The following ARHGEF12 variants were observed in gnomAD, a reference collection of about 807,000 sequenced individuals.
ARHGEF12 encodes Rho guanine nucleotide exchange factor 12.
Under a neutral mutation model 211.2 loss-of-function variants are expected in ARHGEF12, and 66 were observed. The ratio of observed to expected loss-of-function variants is 0.31; its 90% CI spans 0.26 to 0.38. ARHGEF12 has a LOEUF of 0.38. ARHGEF12 is among the 10% of genes least tolerant of loss of function. The pLI is 1.00. For missense variants in ARHGEF12, 1,429 were observed against 1,869.5 expected, an observed-to-expected ratio of 0.76 and a Z score of 4.34; for synonymous variants, 592 against 638.4, an observed-to-expected ratio of 0.93 and a Z score of 1.09.
At position 120,441,799 on chromosome 11, in the gene ARHGEF12, A is replaced by G. The variant is rs2135784908; in HGVS notation, c.1185A>G (p.Gln395=). ...LAVFLHHVVS[Q]FDPATLLCYL... is the part of the protein sequence containing the mutation. ...TTTTCTTACACCATGTAGTTTCACA[A>G]TTTGACCCTGCGACTTTGGTAATAT... is the stretch of plus-strand genomic sequence containing the variant. The change falls in exon 14 of 41, where the codon CAA becomes CAG. Residue 395 remains glutamine (Q), a synonymous_variant. Transcript: ENST00000397843. 3 of 1,613,754 alleles carry G rather than the reference A, an allele frequency of 1.9e-6. No individual in the cohort carries two copies. Among genetic ancestry groups the G allele is most frequent in the Non-Finnish European group, 2.5e-6 (3 of 1,179,714 alleles).
chr11:120,446,799 TG>T, intron 17 of ARHGEF12, 148 bp from the exon 18 acceptor site: 1 of 951,800 alleles, frequency 1.1e-6, no homozygotes, highest in Non-Finnish European at 1.5e-6. Context: ...TTTTTTCCTC[TG>T]GTATCCTAGA....
At chr11:120,477,164 A>G (rs1415405369) in intron 34 of ARHGEF12, 55 bp from the exon 35 acceptor site, 5 of 1,434,056 alleles carry the variant, frequency 3.5e-6, no homozygotes, top group Non-Finnish European at 4.8e-6. Context: ...AGTATATTTA[A>G]AGGATATTTC....
intron 1 of ARHGEF12, among the ~76,000 whole-genome samples, chr11:120,355,498 T>C (rs1943107825): frequency 6.6e-6 from 1 of 152,208 alleles, no homozygotes; most frequent in African/African-American, 2.4e-5. Flanking sequence ...TTCAAAGACA[T>C]TGATTGACTA....
rs920868164 is a variant in ARHGEF12, at chr11:120,337,546, A to G, written c.32+271A>G. 4.1e-6 allele frequency: 4 copies of G among 985,266 alleles called. No homozygotes were observed. The Admixed American group carries it at 2.5e-4, about 61-fold the overall frequency. The allele number at this position is 985,266 out of a possible 1,614,324, so 61.0% of individuals were successfully genotyped here. ...TTGTGGTTTTCCGCCTGTAGTGTGC[A>G]TTAGGATTGTGTACTCGTCTGGAAA... On this transcript the variant is annotated intron_variant, in intron 1 of 40. Transcript: ENST00000397843.
At chr11:120,477,414 T>G (rs748774905) in intron 35 of ARHGEF12, 33 bp from the exon 36 acceptor site, 1 of 1,511,798 alleles carries the variant, frequency 6.6e-7, no homozygotes, top group Non-Finnish European at 9.0e-7. Flanking sequence ...CTCAGGAAGG[T>G]AAAAGTTTTT....
Position 120,485,810 on chromosome 11 carries a change from T to C in ARHGEF12, c.*733T>C. 1 of 233,466 alleles carries C rather than the reference T, an allele frequency of 4.3e-6. No individual in the cohort carries two copies. The highest frequency in any genetic ancestry group is 8.5e-6 in the Non-Finnish European group (1 of 117,904). 14.5% of individuals were successfully genotyped at this position (233,466 alleles called of 1,614,324 possible). On this transcript the variant is annotated 3_prime_UTR_variant, in exon 41 of 41. Coordinates refer to ENST00000397843, the MANE Select transcript of ARHGEF12 (RefSeq NM_015313.3). ...CTCTGTAGCTGGGATCAACCACAATTAATAGGAATCCTCAACATACTAAAT... is the reference window on the plus strand; with the variant it reads ...CTCTGTAGCTGGGATCAACCACAATCAATAGGAATCCTCAACATACTAAAT...
At chr11:120,356,420 G>C (rs552053227) in intron 1 of ARHGEF12, among the ~76,000 whole-genome samples, 1 of 152,192 alleles carries the variant, frequency 6.6e-6, no homozygotes, top group East Asian at 1.9e-4. Context: ...GTTTCACCAT[G>C]TTTGCCCAGC....
At chr11:120,346,498 A>T (rs1360729678) in intron 1 of ARHGEF12, among the ~76,000 whole-genome samples, 4 of 152,230 alleles carry the variant, frequency 2.6e-5, no homozygotes. Context: ...AGCAAGTCAT[A>T]TGGTCAGAGC....
At chr11:120,339,067 G>T (rs1454621963) in intron 1 of ARHGEF12, among the ~76,000 whole-genome samples, 1 of 113,066 alleles carries the variant, frequency 8.8e-6, no homozygotes, top group Admixed American at 1.2e-4. Context: ...AATGAATATT[G>T]TAAGATTAAT....
chr11:120,421,901 T>C, intron 6 of ARHGEF12, 49 bp downstream of exon 6: 1 of 1,417,900 alleles, frequency 7.1e-7, no homozygotes, highest in African/African-American at 1.4e-5. Context: ...AAAAACAACA[T>C]ATATTGGTCA....
At chr11:120,423,154 T>G (rs952448748) in intron 6 of ARHGEF12, among the ~76,000 whole-genome samples, 1 of 152,120 alleles carries the variant, frequency 6.6e-6, no homozygotes, top group Non-Finnish European at 1.5e-5. Flanking sequence ...TTAATGAGGA[T>G]ATGGCCAACC....
chr11:120,433,763 G>A (rs1196726374), intron 11 of ARHGEF12, among the ~76,000 whole-genome samples: 1 of 152,068 alleles, frequency 6.6e-6, no homozygotes, highest in Non-Finnish European at 1.5e-5. Flanking sequence ...AAACCAGCCT[G>A]GCCAACATAG....
chr11:120,474,634 T>A lies in ARHGEF12; in HGVS notation c.3108T>A (p.Ile1036=). The change falls in exon 32 of 41, where the codon ATT becomes ATA. Residue 1036 remains isoleucine, a splice_region_variant and synonymous_variant. Coordinates refer to ENST00000397843, the MANE Select transcript of ARHGEF12 (RefSeq NM_015313.3). ...LVWKVNRDKT[I]DLYTLLLEDI... is the part of the protein sequence containing the mutation. ...GGAAGGTGAATAGAGATAAAACTAT[T>A]GGTAGGTCTGATATTGTCTTTTAGT... 6.2e-7 allele frequency: 1 copy of A among 1,608,662 alleles called. No individual in the cohort carries two copies. The highest frequency in any genetic ancestry group is 8.5e-7 in the Non-Finnish European group (1 of 1,178,100).
intron 6 of ARHGEF12, among the ~76,000 whole-genome samples, chr11:120,422,550 C>G (rs1344493448): frequency 6.6e-6 from 1 of 152,120 alleles, no homozygotes; most frequent in South Asian, 2.1e-4. Flanking sequence ...ATATATGAAA[C>G]ATAAAAGGCT....
At chr11:120,435,682 T>C (rs1255086277) in intron 11 of ARHGEF12, among the ~76,000 whole-genome samples, 1 of 151,450 alleles carries the variant, frequency 6.6e-6, no homozygotes, top group Non-Finnish European at 1.5e-5. Flanking sequence ...GCCCGGCTAA[T>C]TTTTTTTGTA....
At chr11:120,344,594 C>T (rs774375801) in intron 1 of ARHGEF12, among the ~76,000 whole-genome samples, 1 of 152,168 alleles carries the variant, frequency 6.6e-6, no homozygotes, top group African/African-American at 2.4e-5. Context: ...GGCATATGCA[C>T]TGTCAGCCTA....
At chr11:120,387,201 T>TACA (rs1944060981) in intron 1 of ARHGEF12, among the ~76,000 whole-genome samples, 1 of 151,970 alleles carries the variant, frequency 6.6e-6, no homozygotes, top group Non-Finnish European at 1.5e-5. Context: ...TAGTTTCCAT[T>TACA]ACTCATCCTT....
intron 1 of ARHGEF12, among the ~76,000 whole-genome samples, chr11:120,405,250 A>G (rs1035777260): frequency 1.3e-5 from 2 of 152,198 alleles, no homozygotes; most frequent in Non-Finnish European, 2.9e-5. Flanking sequence ...TCCTATTACT[A>G]AATAATCTTT....
intron 1 of ARHGEF12, among the ~76,000 whole-genome samples, chr11:120,389,224 G>C (rs942218606): frequency 6.6e-5 from 10 of 152,122 alleles, no homozygotes; most frequent in African/African-American, 2.4e-4. Flanking sequence ...CCTGTGGCTT[G>C]TATTTTCATT....
Sources: allele counts gnomAD v4.1 joint callset (sites outside exome capture counted in the v4.1 genomes callset), GRCh38; gene constraint gnomAD v4.1.1; transcripts MANE v1.5; gene names NCBI Gene and HGNC (gene_info 2026-07-23, HGNC 2026-07-21).